The following TMLHE variants were observed in gnomAD, a reference collection of about 807,000 sequenced individuals.
The protein encoded by TMLHE is trimethyllysine hydroxylase, epsilon.
A neutral mutation model predicts 25.7 loss-of-function variants in TMLHE; 18 were observed. That is an observed-to-expected ratio of 0.70 (90% CI 0.48 to 1.04). The LOEUF is 1.04. TMLHE is among the 50% of genes least tolerant of loss of function. The probability of loss-of-function intolerance (pLI) is 0.00; values close to 1 mark genes in which losing one functional copy is unlikely to be tolerated. For missense variants in TMLHE, 236 were observed against 259.0 expected (o/e 0.91, Z 0.61); for synonymous variants, 105 against 97.0 (o/e 1.08, Z -0.49).
intron 5 of TMLHE, among the ~76,000 whole-genome samples, chrX:155,511,223 T>C (rs1357432199): frequency 9.1e-6 from 1 of 110,056 alleles, no homozygotes; most frequent in Non-Finnish European, 1.9e-5. Flanking sequence ...AGATAGTGAG[T>C]GAGTTCCTGT....
chrX:155,602,308 A>G (rs2067760663), intron 1 of TMLHE, among the ~76,000 whole-genome samples: 1 of 111,927 alleles, frequency 8.9e-6, no homozygotes, highest in African/African-American at 3.3e-5. Flanking sequence ...GACAAAAACC[A>G]CATGATCATT....
intron 1 of TMLHE, among the ~76,000 whole-genome samples, chrX:155,585,416 AACACACACAC>A (rs56160372): frequency 5.1e-4 from 49 of 96,629 alleles, no homozygotes; most frequent in Admixed American, 2.3e-3. Context: ...CACACACACA[AACACACACAC>A]ACACACACAC....
intron 2 of TMLHE, among the ~76,000 whole-genome samples, chrX:155,536,239 C>T (rs781878836): frequency 9.0e-6 from 1 of 111,392 alleles, no homozygotes; most frequent in Non-Finnish European, 1.9e-5. Flanking sequence ...GCATGCTTTG[C>T]ACTTAGGACA....
intron 1 of TMLHE, among the ~76,000 whole-genome samples, chrX:155,603,690 CAAATGA>C (rs2067770649): frequency 8.9e-6 from 1 of 111,816 alleles, no homozygotes; most frequent in Non-Finnish European, 1.9e-5. Context: ...AGTTTTTCAA[CAAATGA>C]TGATAGTACA....
At chrX:155,533,961 A>G (rs2067264153) in intron 2 of TMLHE, among the ~76,000 whole-genome samples, 1 of 111,849 alleles carries the variant, frequency 8.9e-6, no homozygotes, top group Non-Finnish European at 1.9e-5. Context: ...CCATATTGCA[A>G]AGAATGAGAA....
Position 155,514,284 on chromosome X carries a change from A to G in TMLHE, c.359-19T>C. 1 of 1,179,147 alleles carries G rather than the reference A, an allele frequency of 8.5e-7. No homozygotes were observed. Among genetic ancestry groups the G allele is most frequent in the Middle Eastern group, 2.5e-4 (1 of 4,013 alleles). On this transcript the variant is annotated intron_variant, in intron 3 of 7. Transcript: ENST00000334398. The stretch of plus-strand genomic sequence containing the variant: ...TCTGGCCCTTTTAAGGGGAAAAATA[A>G]AAGGCACTATAATAATTACAAATAA...
intron 1 of TMLHE, among the ~76,000 whole-genome samples, chrX:155,598,238 A>T (rs1557346775): frequency 9.0e-6 from 1 of 111,509 alleles, no homozygotes. Flanking sequence ...GCCAGCTATA[A>T]AGACACATGC....
At chrX:155,532,733 A>G (rs187016935) in intron 2 of TMLHE, among the ~76,000 whole-genome samples, 128 of 105,680 alleles carry the variant, frequency 1.2e-3, no homozygotes, top group African/African-American at 4.1e-3. Flanking sequence ...TGGGGTCTAT[A>G]ACCTAAAAAT....
chrX:155,515,610 T>C (rs1213928549), intron 3 of TMLHE, among the ~76,000 whole-genome samples: 1 of 112,022 alleles, frequency 8.9e-6, no homozygotes, highest in Non-Finnish European at 1.9e-5. Flanking sequence ...AGTACATATG[T>C]GTCCATCAAA....
chrX:155,561,198 C>T (rs2067494728), intron 1 of TMLHE, among the ~76,000 whole-genome samples: 1 of 61,514 alleles, frequency 1.6e-5, no homozygotes, highest in African/African-American at 3.6e-5. Context: ...AAAGAAAAGA[C>T]ATTTAATTGA....
At chrX:155,537,173 A>G (rs1557337709) in intron 2 of TMLHE, among the ~76,000 whole-genome samples, 2 of 112,212 alleles carry the variant, frequency 1.8e-5, no homozygotes, top group African/African-American at 6.5e-5. Context: ...GTTTAGAAAG[A>G]GCACTCTAGT....
intron 2 of TMLHE, among the ~76,000 whole-genome samples, chrX:155,534,514 A>G (rs1203530414): frequency 6.3e-5 from 7 of 111,894 alleles, no homozygotes; most frequent in African/African-American, 1.9e-4. Context: ...TATTACAGAC[A>G]TGAGCCACCT....
chrX:155,606,647 A>C (rs1166892838), intron 1 of TMLHE, among the ~76,000 whole-genome samples: 1 of 110,671 alleles, frequency 9.0e-6, no homozygotes, highest in Non-Finnish European at 1.9e-5. Flanking sequence ...TCAATGATAA[A>C]AAAAATGAAT....
In TMLHE at chrX:155,544,158, T is replaced by C. The variant is rs782366768; in HGVS notation, c.181+938A>G. On this transcript the variant is annotated intron_variant, in intron 2 of 7. Transcript: ENST00000334398. ...GGCCTGTGTCTTGGAAGTGTGACTT[T>C]AACAATTGTTTTTGTTTCTCTTCCA... 7.3e-4 allele frequency among the ~76,000 whole-genome samples: 82 copies of C among 111,703 alleles called. 1 individual carries two copies. Among genetic ancestry groups the C allele is most frequent in the Non-Finnish European group, 2.3e-4 (12 of 53,132 alleles).
At chrX:155,537,707 G>T (rs1315578448) in intron 2 of TMLHE, among the ~76,000 whole-genome samples, 3 of 110,327 alleles carry the variant, frequency 2.7e-5, no homozygotes, top group Non-Finnish European at 3.8e-5. Flanking sequence ...TCAATTCCCT[G>T]CAAACATTCT....
Position 155,547,207 on chromosome X carries a change from C to T in TMLHE, c.-1-1930G>A, listed in dbSNP as rs782391938. 2.2e-4 allele frequency among the ~76,000 whole-genome samples: 21 copies of T among 94,494 alleles called. No homozygotes were observed. The East Asian group carries it at 5.6e-3, about 25-fold the overall frequency. The allele number at this position is 94,494 out of a possible 115,157, so 82.1% of individuals were successfully genotyped here. A position where few individuals can be genotyped will look rare whatever the true frequency, so the allele number is the denominator to read the frequency against. ...TCGCCCAGGCTGGAGTGCAGTGGCG[C>T]TATCTCGGCTCACTGCAAGCTCCGC... On this transcript the variant is annotated intron_variant, in intron 1 of 7. Transcript: ENST00000334398.
At position 155,573,690 on chromosome X, in the gene TMLHE, G is replaced by C. The variant is rs2067571287; in HGVS notation, c.-1-28413C>G. 3.7e-5 allele frequency among the ~76,000 whole-genome samples: 2 copies of C among 54,423 alleles called. 1 individual carries two copies. The highest frequency in any genetic ancestry group is 4.4e-4 in the Admixed American group (2 of 4,517). 47.3% of individuals were successfully genotyped at this position (54,423 alleles called of 115,157 possible). On this transcript the variant is annotated intron_variant, in intron 1 of 7. Transcript: ENST00000334398. ...GAGTTCACGTCCTTTGTAGGGACAT[G>C]GATGAAATTGGAAATCATCATTCTC...
At chrX:155,608,451 A>G (rs1712073744) in intron 1 of TMLHE, among the ~76,000 whole-genome samples, 1 of 111,933 alleles carries the variant, frequency 8.9e-6, no homozygotes, top group Admixed American at 9.5e-5. Context: ...AACCATAAAA[A>G]CCCTTGAAGA....
chrX:155,514,974 G>A (rs1238871384), intron 3 of TMLHE, among the ~76,000 whole-genome samples: 1 of 111,749 alleles, frequency 8.9e-6, no homozygotes, highest in African/African-American at 3.2e-5. Flanking sequence ...AGCAGAAGGA[G>A]TGAAAGACTA....
Sources: gnomAD v4.1 joint callset for allele counts (sites outside exome capture counted in the v4.1 genomes callset) on GRCh38, gnomAD v4.1.1 for gene constraint, MANE v1.5 for transcripts, NCBI Gene and HGNC (gene_info 2026-07-23, HGNC 2026-07-21) for gene names.